The following GOPC variants were observed in gnomAD, a reference collection of about 807,000 sequenced individuals.
The protein encoded by GOPC is Golgi-associated PDZ and coiled-coil motif-containing protein.
A neutral mutation model predicts 51.2 loss-of-function variants in GOPC; 32 were observed. That is an observed-to-expected ratio of 0.63 (90% confidence interval 0.47 to 0.84). The LOEUF is 0.84. GOPC is among the 40% of genes least tolerant of loss of function. The pLI, the probability that GOPC is intolerant of heterozygous loss-of-function variation, is 0.00. For missense variants in GOPC, 441 were observed against 555.5 expected (o/e 0.79, Z 2.07); for synonymous variants, 190 against 205.1 (o/e 0.93, Z 0.63).
chr6:117,601,236 AAT>A (rs1772004304), intron 1 of GOPC, among the ~76,000 whole-genome samples: 1 of 152,220 alleles, frequency 6.6e-6, no homozygotes, highest in African/African-American at 2.4e-5. Flanking sequence ...TTTTCTGCAC[AAT>A]ATGATATTTT....
chr6:117,562,878 T>C lies in GOPC; in HGVS notation c.*376A>G, dbSNP rs1390137481. On this transcript the variant is annotated 3_prime_UTR_variant, in exon 9 of 9. Transcript: ENST00000368498. ...ATAAAATATGAATTCACTTACTCTC[T>C]GTATTTTAAAGGGTACTCCTTATAA... is the stretch of plus-strand genomic sequence containing the variant. 7 of 228,318 alleles carry C rather than the reference T, an allele frequency of 3.1e-5. No homozygotes were observed. Among genetic ancestry groups the C allele is most frequent in the Non-Finnish European group, 5.2e-5 (6 of 115,176 alleles). The allele number at this position is 228,318 out of a possible 1,614,324, so 14.1% of individuals were successfully genotyped here. A position where few individuals can be genotyped will look rare whatever the true frequency, so the allele number is the denominator to read the frequency against.
At chr6:117,600,514 G>A (rs989517799) in intron 1 of GOPC, among the ~76,000 whole-genome samples, 16 of 152,206 alleles carry the variant, frequency 1.1e-4, no homozygotes, top group Non-Finnish European at 2.4e-4. Context: ...TAAAGCTAGA[G>A]AACTAATGGC....
chr6:117,593,695 A>C (rs1780152348), intron 1 of GOPC, among the ~76,000 whole-genome samples: 1 of 152,204 alleles, frequency 6.6e-6, no homozygotes, highest in African/African-American at 2.4e-5. Context: ...GTCTATGTAA[A>C]AGACTCAGAA....
chr6:117,575,825 AT>A (rs1200442517), intron 3 of GOPC, among the ~76,000 whole-genome samples: 1 of 152,202 alleles, frequency 6.6e-6, no homozygotes. Context: ...TTTGTTCACA[AT>A]ATGTGGAAGA....
At chr6:117,581,090 T>G (rs559126375) in intron 1 of GOPC, among the ~76,000 whole-genome samples, 47 of 152,106 alleles carry the variant, frequency 3.1e-4, no homozygotes, top group Non-Finnish European at 4.0e-4. Context: ...CATGATATAA[T>G]CAACAGGAAA....
rs1159480652 is a variant in GOPC at position 117,602,332 on chromosome 6, C to T, written c.-44G>A. The T allele has an allele frequency of 2.6e-6, 4 of 1,510,232 alleles. No individual in the cohort carries two copies. The highest frequency in any genetic ancestry group is 2.4e-5 in the East Asian group (1 of 41,266). 93.6% of individuals were successfully genotyped at this position (1,510,232 alleles called of 1,614,324 possible). A position where few individuals can be genotyped will look rare whatever the true frequency, so the allele number is the denominator to read the frequency against. On this transcript the variant is annotated 5_prime_UTR_variant, in exon 1 of 9. Transcript: ENST00000368498. Reference sequence around the variant, plus strand: ...TCCCGACTGCTGAAGACCCTCGCCGCCCCCCGCGCACGAAGGGAACTGCTG... The same window carrying T: ...TCCCGACTGCTGAAGACCCTCGCCGTCCCCCGCGCACGAAGGGAACTGCTG...
intron 1 of GOPC, among the ~76,000 whole-genome samples, chr6:117,596,189 T>C (rs1408850330): frequency 6.6e-6 from 1 of 152,194 alleles, no homozygotes; most frequent in African/African-American, 2.4e-5. Context: ...GCCATTTGTG[T>C]ATCTTCTTTA....
In GOPC at chr6:117,560,605, A is replaced by T. The variant is rs540390759; in HGVS notation, c.*2649T>A. Reference sequence around the variant, plus strand: ...CTGTGCTAACTTTCGATAGCTGTTGACTTGTAATTATCAAGACTCACAAAA... The same window carrying T: ...CTGTGCTAACTTTCGATAGCTGTTGTCTTGTAATTATCAAGACTCACAAAA... On this transcript the variant is annotated 3_prime_UTR_variant, in exon 9 of 9. Transcript: ENST00000368498. The T allele has an allele frequency of 3.6e-5, 7 of 194,922 alleles. No homozygotes were observed. The South Asian group carries it at 1.3e-3, about 37-fold the overall frequency. 12.1% of individuals were successfully genotyped at this position (194,922 alleles called of 1,614,324 possible). A position where few individuals can be genotyped will look rare whatever the true frequency, so the allele number is the denominator to read the frequency against.
At chr6:117,568,294 T>C (rs1021304445) in intron 7 of GOPC, among the ~76,000 whole-genome samples, 1 of 152,198 alleles carries the variant, frequency 6.6e-6, no homozygotes, top group Non-Finnish European at 1.5e-5. Flanking sequence ...CCACTACATA[T>C]AAGTGTGGTG....
intron 8 of GOPC, 139 bp from the exon 9 acceptor site, chr6:117,563,523 A>G: frequency 1.4e-6 from 1 of 700,632 alleles, no homozygotes; most frequent in Non-Finnish European, 2.4e-6. Context: ...GGGGTTCGAG[A>G]CCAGCCTGGA....
chr6:117,571,675 G>A (rs1188156113), intron 5 of GOPC, among the ~76,000 whole-genome samples: 2 of 151,998 alleles, frequency 1.3e-5, no homozygotes, highest in African/African-American at 4.8e-5. Context: ...TCAGTCCTCT[G>A]GTCTCTGTAA....
chr6:117,582,619 G>C (rs752375860), intron 1 of GOPC, among the ~76,000 whole-genome samples: 1 of 151,178 alleles, frequency 6.6e-6, no homozygotes, highest in Non-Finnish European at 1.5e-5. Context: ...GCTGGACATC[G>C]GAGAGAGGCA....
chr6:117,602,223 C>G lies in GOPC; in HGVS notation c.66G>C (p.Val22=), dbSNP rs762075630. The change falls in exon 1 of 9, where the codon GTG becomes GTC. Residue 22 remains valine (V), a synonymous_variant. Coordinates refer to ENST00000368498, the MANE Select transcript of GOPC (RefSeq NM_020399.4). The stretch of plus-strand genomic sequence containing the variant: ...ACATGGATACCCCGCCAGGGGCCCC[C>G]ACGGAGCAGGAGGCGCCCCCTGGGC... ...GGGPGGASCS[V]GAPGGVSMFR... is the part of the protein sequence containing the mutation. The G allele has an allele frequency of 6.2e-6, 10 of 1,606,478 alleles. No homozygotes were observed. The highest frequency in any genetic ancestry group is 1.3e-5 in the African/African-American group (1 of 74,934).
chr6:117,598,380 G>GA (rs941999827), intron 1 of GOPC, among the ~76,000 whole-genome samples: 14 of 146,460 alleles, frequency 9.6e-5, no homozygotes, highest in Admixed American at 2.0e-4. Flanking sequence ...CTCAAAAAAA[G>GA]AAAAAAAAAA....
intron 1 of GOPC, among the ~76,000 whole-genome samples, chr6:117,583,575 A>G (rs1436763383): frequency 6.6e-6 from 1 of 152,054 alleles, no homozygotes; most frequent in Non-Finnish European, 1.5e-5. Context: ...TTAGCCTTTC[A>G]TCCTATTTGT....
intron 5 of GOPC, among the ~76,000 whole-genome samples, chr6:117,571,169 C>A (rs1583053251): frequency 6.6e-6 from 1 of 151,912 alleles, no homozygotes; most frequent in African/African-American, 2.4e-5. Flanking sequence ...CACCCTTTTG[C>A]CAATAATGTT....
In GOPC at chr6:117,560,954, C is replaced by G; in HGVS notation, c.*2300G>C. 1 of 212,046 alleles carries G rather than the reference C, an allele frequency of 4.7e-6. No homozygotes were observed. Among genetic ancestry groups the G allele is most frequent in the Non-Finnish European group, 9.6e-6 (1 of 104,688 alleles). 13.1% of individuals were successfully genotyped at this position (212,046 alleles called of 1,614,324 possible). On this transcript the variant is annotated 3_prime_UTR_variant, in exon 9 of 9. Coordinates refer to ENST00000368498, the MANE Select transcript of GOPC (RefSeq NM_020399.4). ...AAATGTGAAAATATTAAAATTGGTT[C>G]TCAGTCCTTTGGAACTAATAACTAA...
intron 1 of GOPC, among the ~76,000 whole-genome samples, chr6:117,594,515 G>A (rs1201377447): frequency 6.6e-6 from 1 of 152,054 alleles, no homozygotes; most frequent in Non-Finnish European, 1.5e-5. Context: ...CTCCATAAAA[G>A]CCATGACTAC....
chr6:117,584,085 G>A (rs1053840759), intron 1 of GOPC, among the ~76,000 whole-genome samples: 1 of 152,102 alleles, frequency 6.6e-6, no homozygotes, highest in African/African-American at 2.4e-5. Context: ...TCATTCCCAG[G>A]AATAGATTTA....
Sources: allele counts gnomAD v4.1 joint callset (sites outside exome capture counted in the v4.1 genomes callset), GRCh38; gene constraint gnomAD v4.1.1; transcripts MANE v1.5; gene names NCBI Gene and HGNC (gene_info 2026-07-23, HGNC 2026-07-21).